The following RBM27 variants were observed in gnomAD, a reference collection of about 807,000 sequenced individuals.
RBM27 encodes RNA-binding protein 27.
In RBM27, 22 loss-of-function variants were observed where a neutral mutation model predicts 135.3. The observed-to-expected ratio is 0.16, with a 90% CI of 0.12 to 0.23. The LOEUF (loss-of-function observed/expected upper bound fraction) is 0.23. Among genes scored for constraint, RBM27 ranks in the 10% least tolerant of loss-of-function variants. The pLI is 1.00. For missense variants in RBM27, 1,009 were observed against 1,281.0 expected (o/e 0.79, Z 3.24); for synonymous variants, 481 against 442.4 (o/e 1.09, Z -1.10).
At chr5:146,213,053 C>T (rs924267213) in intron 1 of RBM27, among the ~76,000 whole-genome samples, 5 of 152,014 alleles carry the variant, frequency 3.3e-5, no homozygotes, top group South Asian at 2.1e-4. Flanking sequence ...TTATTTCCTT[C>T]GTCTAGTTTA....
At chr5:146,262,103 T>G (rs1306245752) in intron 13 of RBM27, among the ~76,000 whole-genome samples, 3 of 152,204 alleles carry the variant, frequency 2.0e-5, no homozygotes, top group Non-Finnish European at 4.4e-5. Flanking sequence ...AGACCTGCTA[T>G]TTTACATCAG....
intron 13 of RBM27, 129 bp from the exon 14 acceptor site, chr5:146,263,362 C>T (rs17104347): frequency 0.061 from 50,316 of 829,820 alleles, 1,798 homozygotes; most frequent in African/African-American, 0.081. Context: ...TAAAACCTTA[C>T]GGATAATTGA....
chr5:146,269,521 A>G lies in RBM27; in HGVS notation c.2628A>G (p.Leu876=). The change falls in exon 17 of 21, where the codon TTA becomes TTG. Residue 876 remains leucine, a synonymous_variant. Transcript: ENST00000265271. ...LKELGEKISQ[L]KDELKTSSAV... ...AGCTTGGAGAGAAGATCTCACAATT[A>G]AAAGATGAATTAAAAACATCTTCTG... The G allele has an allele frequency of 6.3e-7, 1 of 1,583,492 alleles. No individual in the cohort carries two copies. Among genetic ancestry groups the G allele is most frequent in the East Asian group, 2.3e-5 (1 of 44,216 alleles).
chr5:146,280,816 A>G (rs1759311433), intron 19 of RBM27, among the ~76,000 whole-genome samples: 1 of 152,002 alleles, frequency 6.6e-6, no homozygotes, highest in Non-Finnish European at 1.5e-5. Context: ...CAGCTTTTAT[A>G]CTGTAAACAA....
intron 19 of RBM27, among the ~76,000 whole-genome samples, chr5:146,275,265 T>TTTTTTTA (rs1281949158): frequency 6.6e-6 from 1 of 151,876 alleles, no homozygotes; most frequent in Admixed American, 6.6e-5. Flanking sequence ...AATTTTAATT[T>TTTTTTTA]TTTTTTATTT....
intron 2 of RBM27, 45 bp from the exon 3 acceptor site, chr5:146,223,358 T>G: frequency 6.5e-7 from 1 of 1,546,258 alleles, no homozygotes; most frequent in Non-Finnish European, 8.7e-7. Context: ...GTCAAATTTT[T>G]GTTTTTTGTT....
Position 146,223,515 on chromosome 5 carries a change from A to G in RBM27, c.291A>G (p.Glu97=). The part of the protein sequence containing the change: ...EPKPLVQEKE[E]IKEEVFQEPA... ...AACCACTAGTCCAAGAAAAAGAAGA[A>G]ATTAAAGAAGAGGTAATGCAAATTT... is the stretch of plus-strand genomic sequence containing the variant. Residue 97 remains glutamate, a synonymous_variant, in exon 3 of 21, where the codon GAA becomes GAG. Transcript: ENST00000265271. 1 of 1,603,584 alleles carries G rather than the reference A, an allele frequency of 6.2e-7. No homozygotes were observed. Among genetic ancestry groups the G allele is most frequent in the Non-Finnish European group, 8.5e-7 (1 of 1,177,190 alleles).
At chr5:146,225,831 TG>T (rs111916604) in intron 3 of RBM27, among the ~76,000 whole-genome samples, 17 of 151,868 alleles carry the variant, frequency 1.1e-4, no homozygotes, top group African/African-American at 4.1e-4. Context: ...TCCAAAGTGC[TG>T]GGATTACAGG....
intron 1 of RBM27, among the ~76,000 whole-genome samples, chr5:146,214,045 T>A (rs944554768): frequency 2.0e-5 from 3 of 152,214 alleles, no homozygotes. Flanking sequence ...CCTGCAGATG[T>A]ACATTAGAAA....
At chr5:146,266,995 G>A (rs1561560776) in intron 14 of RBM27, among the ~76,000 whole-genome samples, 1 of 152,136 alleles carries the variant, frequency 6.6e-6, no homozygotes. Flanking sequence ...GGATTTTTCA[G>A]TTACTGGAAA....
In RBM27 at chr5:146,284,748, G is replaced by A. The variant is rs1415966444; in HGVS notation, c.3099+16G>A. ...CAAGGAGGAGGTAAATTTAGTGGTTGGAAATAAGAGTTGAATTAGATCACT... is the reference window on the plus strand; with the variant it reads ...CAAGGAGGAGGTAAATTTAGTGGTTAGAAATAAGAGTTGAATTAGATCACT... On this transcript the variant is annotated intron_variant, in intron 20 of 20. Coordinates refer to ENST00000265271, the MANE Select transcript of RBM27 (RefSeq NM_018989.2). 2 of 1,443,534 alleles carry A rather than the reference G, an allele frequency of 1.4e-6. No individual in the cohort carries two copies. The highest frequency in any genetic ancestry group is 1.2e-5 in the South Asian group (1 of 85,052). 89.4% of individuals were successfully genotyped at this position (1,443,534 alleles called of 1,614,324 possible). A position where few individuals can be genotyped will look rare whatever the true frequency, so the allele number is the denominator to read the frequency against.
At chr5:146,251,444 G>A (rs758634934) in intron 8 of RBM27, among the ~76,000 whole-genome samples, 5 of 152,154 alleles carry the variant, frequency 3.3e-5, no homozygotes, top group Non-Finnish European at 2.9e-5. Flanking sequence ...AAATTAGCAC[G>A]TAGTTTTCTC....
intron 13 of RBM27, among the ~76,000 whole-genome samples, chr5:146,262,758 A>G (rs1373188991): frequency 3.3e-5 from 5 of 152,200 alleles, no homozygotes; most frequent in Non-Finnish European, 7.3e-5. Context: ...TATCACCTTC[A>G]TGGTGATGAT....
At chr5:146,258,950 G>C (rs547297532) in intron 11 of RBM27, among the ~76,000 whole-genome samples, 146 of 151,862 alleles carry the variant, frequency 9.6e-4, no homozygotes, top group African/African-American at 3.3e-3. Flanking sequence ...TAGCGGAGAT[G>C]GGGTTTCACC....
chr5:146,212,668 T>C (rs1434919717), intron 1 of RBM27, among the ~76,000 whole-genome samples: 1 of 152,132 alleles, frequency 6.6e-6, no homozygotes, highest in Non-Finnish European at 1.5e-5. Flanking sequence ...CCATAATTTT[T>C]TAAAAAACAT....
At chr5:146,250,405 C>T (rs377014548) in intron 8 of RBM27, among the ~76,000 whole-genome samples, 1 of 138,984 alleles carries the variant, frequency 7.2e-6, no homozygotes, top group African/African-American at 2.8e-5. Context: ...GCACTCCAGC[C>T]TGGGTGACAG....
At chr5:146,237,114 T>C (rs1277988199) in intron 7 of RBM27, among the ~76,000 whole-genome samples, 184 bp from the exon 8 acceptor site, 1 of 151,950 alleles carries the variant, frequency 6.6e-6, no homozygotes, top group Non-Finnish European at 1.5e-5. Context: ...CATTTTTGTA[T>C]TGTTAGTAGA....
At chr5:146,246,945 T>C (rs1581192520) in intron 8 of RBM27, among the ~76,000 whole-genome samples, 2 of 151,132 alleles carry the variant, frequency 1.3e-5, no homozygotes, top group South Asian at 2.1e-4. Context: ...CTCACTGCAG[T>C]CTTGACCTCC....
intron 19 of RBM27, among the ~76,000 whole-genome samples, chr5:146,273,649 A>G (rs1758964506): frequency 6.6e-6 from 1 of 152,248 alleles, no homozygotes; most frequent in Admixed American, 6.5e-5. Context: ...TTGCGAATAG[A>G]GTTAGCAAAC....
Sources: gnomAD v4.1 joint callset for allele counts (sites outside exome capture counted in the v4.1 genomes callset) on GRCh38, gnomAD v4.1.1 for gene constraint, MANE v1.5 for transcripts, NCBI Gene and HGNC (gene_info 2026-07-23, HGNC 2026-07-21) for gene names.